DPP10: variants seen among roughly 807,000 people sequenced by gnomAD.
DPP10 encodes the protein inactive dipeptidyl peptidase 10.
In DPP10, 33 loss-of-function variants were observed where a neutral mutation model predicts 120.9. That is an observed-to-expected ratio of 0.27 (90% CI 0.21 to 0.37). The LOEUF (loss-of-function observed/expected upper bound fraction) is 0.37. DPP10 is among the 10% of genes least tolerant of loss of function. The probability of loss-of-function intolerance (pLI) is 1.00; values close to 1 mark genes in which losing one functional copy is unlikely to be tolerated. For missense variants in DPP10, 816 were observed against 942.8 expected, an observed-to-expected ratio of 0.87 and a Z score of 1.76; for synonymous variants, 337 against 326.1, an observed-to-expected ratio of 1.03 and a Z score of -0.36.
intron 19 of DPP10, among the ~76,000 whole-genome samples, chr2:115,811,405 G>A (rs1686625557): frequency 6.6e-6 from 1 of 152,118 alleles, no homozygotes; most frequent in South Asian, 2.1e-4. Context: ...AATGAGTAAA[G>A]GATTGAAGGA....
At chr2:115,183,544 G>T (rs762901046) in intron 1 of DPP10, among the ~76,000 whole-genome samples, 6 of 152,188 alleles carry the variant, frequency 3.9e-5, no homozygotes, top group Non-Finnish European at 7.3e-5. Flanking sequence ...AAAAATATGT[G>T]TGAATTTGCA....
At chr2:115,164,282 A>G (rs565056883) in intron 1 of DPP10, among the ~76,000 whole-genome samples, 11 of 152,166 alleles carry the variant, frequency 7.2e-5, no homozygotes, top group African/African-American at 2.7e-4. Flanking sequence ...AATGTGAATG[A>G]TTTTTGTGAC....
intron 1 of DPP10, among the ~76,000 whole-genome samples, chr2:115,025,354 T>C (rs1339569072): frequency 1.3e-5 from 2 of 152,314 alleles, no homozygotes; most frequent in African/African-American, 4.8e-5. Flanking sequence ...TATAGTTGAA[T>C]AATATTCCAT....
chr2:115,781,766 A>T (rs368077021), intron 16 of DPP10, among the ~76,000 whole-genome samples: 2 of 152,138 alleles, frequency 1.3e-5, no homozygotes, highest in South Asian at 2.1e-4. Flanking sequence ...CCAGGAAAAA[A>T]AAATTAGTTT....
intron 1 of DPP10, among the ~76,000 whole-genome samples, chr2:114,994,902 A>G (rs1446444949): frequency 6.6e-6 from 1 of 152,128 alleles, no homozygotes; most frequent in Non-Finnish European, 1.5e-5. Flanking sequence ...TACTGCATTT[A>G]TTTCTGCATA....
At chr2:114,748,933 TG>T (rs1558699737) in intron 1 of DPP10, among the ~76,000 whole-genome samples, 1 of 127,792 alleles carries the variant, frequency 7.8e-6, no homozygotes, top group East Asian at 2.2e-4. Flanking sequence ...ATGGGATGGC[TG>T]CGTCAAATGG....
intron 1 of DPP10, among the ~76,000 whole-genome samples, chr2:114,609,497 C>G (rs1212257673): frequency 6.6e-6 from 1 of 152,140 alleles, no homozygotes; most frequent in African/African-American, 2.4e-5. Flanking sequence ...TCTGACCCCA[C>G]ACACAGATGG....
intron 5 of DPP10, among the ~76,000 whole-genome samples, chr2:115,615,751 G>T (rs990058356): frequency 1.3e-5 from 2 of 152,070 alleles, no homozygotes; most frequent in Non-Finnish European, 2.9e-5. Flanking sequence ...TCGAAAAATG[G>T]AAGACTCAAT....
At chr2:115,230,826 G>A (rs1448725684) in intron 1 of DPP10, among the ~76,000 whole-genome samples, 1 of 151,932 alleles carries the variant, frequency 6.6e-6, no homozygotes, top group Non-Finnish European at 1.5e-5. Context: ...CTCATAGTTT[G>A]CTGGAAAGTA....
chr2:114,839,809 C>G (rs561184066), intron 1 of DPP10, among the ~76,000 whole-genome samples: 2 of 151,884 alleles, frequency 1.3e-5, no homozygotes, highest in East Asian at 3.9e-4. Flanking sequence ...GTAGATATTT[C>G]AAAGAAAAAA....
At chr2:115,816,123 AC>A (rs771983588) in intron 21 of DPP10, among the ~76,000 whole-genome samples, 12 of 152,268 alleles carry the variant, frequency 7.9e-5, no homozygotes, top group Admixed American at 2.6e-4. Flanking sequence ...CAGAAGTAGA[AC>A]AACAACAGGA....
intron 2 of DPP10, among the ~76,000 whole-genome samples, chr2:115,332,100 G>A (rs2062783482): frequency 6.6e-6 from 1 of 152,096 alleles, no homozygotes; most frequent in Admixed American, 6.6e-5. Flanking sequence ...CTCAATTTCA[G>A]AGCCTCTTAT....
At chr2:115,187,595 T>G (rs1343027473) in intron 1 of DPP10, among the ~76,000 whole-genome samples, 8 of 152,160 alleles carry the variant, frequency 5.3e-5, no homozygotes, top group Non-Finnish European at 7.3e-5. Context: ...CTAGGAAGTT[T>G]GGGAGTTCAA....
chr2:115,478,295 C>T (rs767978604), intron 3 of DPP10, among the ~76,000 whole-genome samples: 11 of 152,158 alleles, frequency 7.2e-5, no homozygotes, highest in Non-Finnish European at 1.5e-4. Context: ...GGTATTGAGA[C>T]CTCAGTGAGG....
At chr2:114,651,532 G>A (rs1696582171) in intron 1 of DPP10, among the ~76,000 whole-genome samples, 2 of 152,220 alleles carry the variant, frequency 1.3e-5, no homozygotes, top group Admixed American at 1.3e-4. Context: ...TTTCTTATAA[G>A]CTCCAGTGAT....
intron 5 of DPP10, among the ~76,000 whole-genome samples, chr2:115,528,251 C>T (rs945006104): frequency 6.6e-6 from 1 of 151,656 alleles, no homozygotes; most frequent in African/African-American, 2.4e-5. Flanking sequence ...GGAGATATAC[C>T]TAATGCAAAT....
intron 1 of DPP10, among the ~76,000 whole-genome samples, chr2:115,129,578 T>C (rs2050238716): frequency 6.6e-6 from 1 of 152,196 alleles, no homozygotes; most frequent in Non-Finnish European, 1.5e-5. Flanking sequence ...CACTTATTTG[T>C]AGAATGCATT....
intron 1 of DPP10, among the ~76,000 whole-genome samples, chr2:114,892,350 G>A (rs1035731221): frequency 1.3e-5 from 2 of 152,162 alleles, no homozygotes; most frequent in African/African-American, 4.8e-5. Context: ...TGTGTACCCA[G>A]TTAGATTTCA....
At chr2:115,256,375 A>T (rs1197218150) in intron 1 of DPP10, among the ~76,000 whole-genome samples, 1 of 152,192 alleles carries the variant, frequency 6.6e-6, no homozygotes, top group Non-Finnish European at 1.5e-5. Context: ...ACTACAATTC[A>T]AGATGAGATT....
Sources: allele counts gnomAD v4.1 joint callset (sites outside exome capture counted in the v4.1 genomes callset), GRCh38; gene constraint gnomAD v4.1.1; transcripts MANE v1.5; gene names NCBI Gene and HGNC (gene_info 2026-07-23, HGNC 2026-07-21).